Variants in VSTM4 observed in about 807,000 individuals in gnomAD.
VSTM4 encodes V-set and transmembrane domain-containing protein 4.
A neutral mutation model predicts 36.4 loss-of-function variants in VSTM4; 20 were observed. The ratio of observed to expected loss-of-function variants is 0.55; its 90% CI spans 0.39 to 0.80. VSTM4 has a LOEUF of 0.80. Among genes scored for constraint, VSTM4 ranks in the 30% least tolerant of loss-of-function variants. VSTM4 has a pLI of 0.00. For missense variants in VSTM4, 392 were observed against 404.5 expected (o/e 0.97, Z 0.26); for synonymous variants, 182 against 173.9 (o/e 1.05, Z -0.37).
At chr10:49,060,684 G>A (rs544644323) in intron 5 of VSTM4, among the ~76,000 whole-genome samples, 1 of 152,266 alleles carries the variant, frequency 6.6e-6, no homozygotes, top group East Asian at 1.9e-4. Flanking sequence ...AAATGCAAAG[G>A]TTTTTAATTA....
Position 49,017,639 on chromosome 10 carries a change from G to T in VSTM4, c.*2011C>A, listed in dbSNP as rs1473415477. ...ATGAAGTTCATTTCCGTTCTGTAGA[G>T]GCCTAAGGGGCCTGGGAAGATATTA... On this transcript the variant is annotated 3_prime_UTR_variant, in exon 8 of 8. Transcript: ENST00000332853. 2 of 152,160 alleles carry T rather than the reference G, an allele frequency of 1.3e-5. No homozygotes were observed. Among genetic ancestry groups the T allele is most frequent in the Non-Finnish European group, 2.9e-5 (2 of 68,040 alleles). The allele number at this position is 152,160 out of a possible 1,614,324, so 9.4% of individuals were successfully genotyped here.
intron 7 of VSTM4, among the ~76,000 whole-genome samples, chr10:49,035,609 G>C (rs1158945857): frequency 7.5e-6 from 1 of 133,088 alleles, no homozygotes; most frequent in East Asian, 2.4e-4. Context: ...CAAAGTGAGA[G>C]GATTGCTTGA....
At chr10:49,100,488 T>C (rs766098359) in intron 2 of VSTM4, among the ~76,000 whole-genome samples, 9 of 152,156 alleles carry the variant, frequency 5.9e-5, no homozygotes, top group Non-Finnish European at 4.4e-5. Context: ...TAGCAGGAGA[T>C]GGTATATCCT....
intron 7 of VSTM4, among the ~76,000 whole-genome samples, chr10:49,024,313 C>T (rs1399176004): frequency 4.6e-5 from 7 of 152,080 alleles, no homozygotes; most frequent in African/African-American, 1.4e-4. Context: ...AACTACCAGC[C>T]AGTGAGAATC....
rs145997216 is a variant in VSTM4, at chr10:49,084,568, C to T, written c.526+1387G>A. Reference sequence around the variant, plus strand: ...TCCCTAAGGATGGCCCTCCTTCTGCCAGATCATACAATGGGTTAACAAAGG... The same window carrying T: ...TCCCTAAGGATGGCCCTCCTTCTGCTAGATCATACAATGGGTTAACAAAGG... On this transcript the variant is annotated intron_variant, in intron 3 of 7. Transcript: ENST00000332853. 3.3e-4 allele frequency among the ~76,000 whole-genome samples: 51 copies of T among 152,306 alleles called. 1 individual carries two copies. The highest frequency in any genetic ancestry group is 3.4e-3 in the Middle Eastern group (1 of 294).
rs1169112841 is a variant in VSTM4 at position 49,019,508 on chromosome 10, G to GGCACCCAC, written c.*141_*142insGTGGGTGC. 1 of 1,250,196 alleles carries GGCACCCAC rather than the reference G, an allele frequency of 8.0e-7. No homozygotes were observed. The highest frequency in any genetic ancestry group is 1.1e-6 in the Non-Finnish European group (1 of 945,482). The allele number at this position is 1,250,196 out of a possible 1,614,324, so 77.4% of individuals were successfully genotyped here. A position where few individuals can be genotyped will look rare whatever the true frequency, so the allele number is the denominator to read the frequency against. ...GAGAGCAGGCTTGTACCTCTTCAAA[G>GGCACCCAC]GCACCCAGAATGCTGCTGAAAAGGG... On this transcript the variant is annotated 3_prime_UTR_variant, in exon 8 of 8. Transcript: ENST00000332853.
intron 1 of VSTM4, among the ~76,000 whole-genome samples, chr10:49,112,855 C>T (rs1844922171): frequency 1.3e-5 from 2 of 152,182 alleles, no homozygotes; most frequent in Admixed American, 1.3e-4. Flanking sequence ...AACCCCCTTG[C>T]TTATATTTGA....
chr10:49,087,074 T>C (rs565722271), intron 2 of VSTM4, among the ~76,000 whole-genome samples: 3 of 152,340 alleles, frequency 2.0e-5, no homozygotes, highest in African/African-American at 7.2e-5. Context: ...TGAATTTTCC[T>C]TCCTTTTGTC....
chr10:49,079,410 C>T (rs1479680794), intron 3 of VSTM4, among the ~76,000 whole-genome samples: 2 of 152,162 alleles, frequency 1.3e-5, no homozygotes, highest in African/African-American at 2.4e-5. Context: ...TCAACGTTAT[C>T]ATTAGTCTGA....
At chr10:49,075,805 A>T (rs550173582) in intron 4 of VSTM4, among the ~76,000 whole-genome samples, 1 of 152,280 alleles carries the variant, frequency 6.6e-6, no homozygotes, top group South Asian at 2.1e-4. Flanking sequence ...CCCTGGAGGC[A>T]CCTTCCTGTT....
At chr10:49,045,218 C>CTG (rs1375884166) in intron 7 of VSTM4, among the ~76,000 whole-genome samples, 2 of 151,810 alleles carry the variant, frequency 1.3e-5, no homozygotes, top group Non-Finnish European at 2.9e-5. Flanking sequence ...CTCTCTCTCT[C>CTG]TCTCTCATGC....
At chr10:49,096,780 GAGTAGCTGGGATTAC>G (rs1231167424) in intron 2 of VSTM4, among the ~76,000 whole-genome samples, 1 of 151,864 alleles carries the variant, frequency 6.6e-6, no homozygotes, top group Non-Finnish European at 1.5e-5. Context: ...TCAGCCTGCC[GAGTAGCTGGGATTAC>G]AGTCTCCCGC....
At chr10:49,033,956 C>T (rs1320160441) in intron 7 of VSTM4, among the ~76,000 whole-genome samples, 1 of 145,756 alleles carries the variant, frequency 6.9e-6, no homozygotes, top group Non-Finnish European at 1.5e-5. Context: ...ATCACCATTA[C>T]CATTATCACC....
At chr10:49,020,727 A>AGAAGGAAGGAAG (rs1164757548) in intron 7 of VSTM4, among the ~76,000 whole-genome samples, 1 of 74,572 alleles carries the variant, frequency 1.3e-5, no homozygotes, top group Non-Finnish European at 2.9e-5. Flanking sequence ...GAAGGAAAGA[A>AGAAGGAAGGAAG]GAAGGAAGGA....
chr10:49,073,404 CT>C (rs1295888170), intron 4 of VSTM4, among the ~76,000 whole-genome samples: 1 of 152,232 alleles, frequency 6.6e-6, no homozygotes, highest in Non-Finnish European at 1.5e-5. Flanking sequence ...CAATTTGCCA[CT>C]GCTCTGCATA....
chr10:49,107,046 C>T (rs1844795653), intron 2 of VSTM4, among the ~76,000 whole-genome samples: 1 of 152,188 alleles, frequency 6.6e-6, no homozygotes, highest in African/African-American at 2.4e-5. Context: ...TTAGCAAACC[C>T]AGATGGCTCC....
chr10:49,085,891 TA>T (rs564572998), intron 3 of VSTM4, 63 bp downstream of exon 3: 362 of 1,040,590 alleles, frequency 3.5e-4, no homozygotes, highest in Non-Finnish European at 3.9e-4. Context: ...AAGTATAATT[TA>T]AAAAAAAAGA....
chr10:49,062,777 T>C (rs146968373), intron 5 of VSTM4, among the ~76,000 whole-genome samples: 215 of 152,326 alleles, frequency 1.4e-3, no homozygotes, highest in African/African-American at 4.7e-3. Context: ...TGTCTGTTCA[T>C]TTTTTGTTTG....
In VSTM4 at chr10:49,016,401, G is replaced by A. The variant is rs1438949735; in HGVS notation, c.*3249C>T. 2.6e-5 allele frequency: 4 copies of A among 152,142 alleles called. No homozygotes were observed. Among genetic ancestry groups the A allele is most frequent in the Admixed American group, 6.5e-5 (1 of 15,282 alleles). The allele number at this position is 152,142 out of a possible 1,614,324, so 9.4% of individuals were successfully genotyped here. The stretch of plus-strand genomic sequence containing the variant: ...GAGATGTGGCAACAGATAGATATGT[G>A]CCATTCCAGCTTCACTGCCCAAGGC... On this transcript the variant is annotated 3_prime_UTR_variant, in exon 8 of 8. Coordinates refer to ENST00000332853, the MANE Select transcript of VSTM4 (RefSeq NM_001031746.5).
Sources: allele counts gnomAD v4.1 joint callset (sites outside exome capture counted in the v4.1 genomes callset), GRCh38; gene constraint gnomAD v4.1.1; transcripts MANE v1.5; gene names NCBI Gene and HGNC (gene_info 2026-07-23, HGNC 2026-07-21).